The following ANXA6 variants were observed in gnomAD, a reference collection of about 807,000 sequenced individuals.
ANXA6 encodes the protein annexin A6.
ANXA6 carries 71 observed loss-of-function variants against 95.4 expected under a neutral mutation model. That is an observed-to-expected ratio of 0.74 (90% confidence interval 0.61 to 0.91). ANXA6 has a LOEUF of 0.91. Among genes scored for constraint, ANXA6 ranks in the 40% least tolerant of loss-of-function variants. ANXA6 has a pLI of 0.00. For missense variants in ANXA6, 830 were observed against 876.4 expected, an observed-to-expected ratio of 0.95 and a Z score of 0.67; for synonymous variants, 289 against 315.9, an observed-to-expected ratio of 0.91 and a Z score of 0.90.
At chr5:151,104,132 G>A (rs1267681440) in intron 24 of ANXA6, among the ~76,000 whole-genome samples, 1 of 152,166 alleles carries the variant, frequency 6.6e-6, no homozygotes, top group East Asian at 1.9e-4. Flanking sequence ...GAAACACCAA[G>A]GACTTCTGGC....
chr5:151,144,267 T>A (rs1033260299), intron 2 of ANXA6, among the ~76,000 whole-genome samples: 1 of 152,204 alleles, frequency 6.6e-6, no homozygotes, highest in Non-Finnish European at 1.5e-5. Context: ...TTTACTACGT[T>A]GAGCCATGTA....
At chr5:151,133,434 A>G (rs1297406076) in intron 8 of ANXA6, 1 of 430,574 alleles carries the variant, frequency 2.3e-6, no homozygotes, top group East Asian at 4.0e-5. Flanking sequence ...GGCATAGCCT[A>G]CTACACACCC....
intron 2 of ANXA6, among the ~76,000 whole-genome samples, chr5:151,143,719 A>G (rs1166831710): frequency 6.6e-6 from 1 of 152,132 alleles, no homozygotes; most frequent in Non-Finnish European, 1.5e-5. Flanking sequence ...TCACTGACGC[A>G]TTTCTAGCAC....
chr5:151,134,742 TG>T (rs1765609937), intron 7 of ANXA6, among the ~76,000 whole-genome samples: 1 of 152,124 alleles, frequency 6.6e-6, no homozygotes. Context: ...TTCTTCCAGG[TG>T]TCCCCAGCCC....
At chr5:151,145,420 G>A (rs1462565405) in intron 2 of ANXA6, among the ~76,000 whole-genome samples, 1 of 152,204 alleles carries the variant, frequency 6.6e-6, no homozygotes, top group Non-Finnish European at 1.5e-5. Context: ...AACCCAGAAC[G>A]TCCCTGTGAA....
intron 20 of ANXA6, among the ~76,000 whole-genome samples, chr5:151,113,940 C>T (rs4643939): frequency 0.32 from 49,364 of 152,174 alleles, 9,238 homozygotes; most frequent in Admixed American, 0.46. Context: ...GGAGTACCAA[C>T]ATGCTACAAC....
Position 151,100,715 on chromosome 5 carries a change from G to A in ANXA6, c.*733C>T. On this transcript the variant is annotated 3_prime_UTR_variant, in exon 26 of 26. Coordinates refer to ENST00000354546, the MANE Select transcript of ANXA6 (RefSeq NM_001155.5). ...AGGCCCTCACTGGAAATGTGTTTAT[G>A]TGTTTGTGTATCTCTTTTTATTTCT... 2.7e-6 allele frequency: 1 copy of A among 373,258 alleles called. No individual in the cohort carries two copies. Among genetic ancestry groups the A allele is most frequent in the South Asian group, 2.0e-5 (1 of 49,634 alleles). The allele number at this position is 373,258 out of a possible 1,614,324, so 23.1% of individuals were successfully genotyped here. A position where few individuals can be genotyped will look rare whatever the true frequency, so the allele number is the denominator to read the frequency against.
At chr5:151,108,696 G>A in intron 22 of ANXA6, 146 bp from the exon 23 acceptor site, 1 of 707,698 alleles carries the variant, frequency 1.4e-6, no homozygotes, top group South Asian at 1.7e-5. Context: ...AGGCCTAAAT[G>A]CATTGGGCAA....
chr5:151,141,843 A>G (rs1765845547), intron 2 of ANXA6: 1 of 410,690 alleles, frequency 2.4e-6, no homozygotes, highest in Non-Finnish European at 3.3e-6. Flanking sequence ...CCTTGCAAGG[A>G]GCTCAGTGAG....
chr5:151,126,778 T>A (rs1009915335), intron 13 of ANXA6, among the ~76,000 whole-genome samples: 1 of 152,104 alleles, frequency 6.6e-6, no homozygotes, highest in African/African-American at 2.4e-5. Flanking sequence ...GTGCAGTGGC[T>A]CGATCTCAGC....
At chr5:151,101,856 C>T (rs1764560092) in intron 25 of ANXA6, among the ~76,000 whole-genome samples, 1 of 152,202 alleles carries the variant, frequency 6.6e-6, no homozygotes, top group South Asian at 2.1e-4. Flanking sequence ...ACCCCCAATC[C>T]CATTTGCCAG....
intron 10 of ANXA6, 29 bp downstream of exon 10, chr5:151,132,447 G>A: frequency 1.9e-6 from 3 of 1,561,008 alleles, no homozygotes; most frequent in South Asian, 1.2e-5. Flanking sequence ...ATCCCCTAAA[G>A]CCCCCAGGAA....
At chr5:151,128,967 A>G (rs769102420) in intron 12 of ANXA6, among the ~76,000 whole-genome samples, 1 of 147,384 alleles carries the variant, frequency 6.8e-6, no homozygotes, top group Non-Finnish European at 1.5e-5. Context: ...AAAAAAAGGG[A>G]AAACCCCTAG....
intron 1 of ANXA6, among the ~76,000 whole-genome samples, chr5:151,149,705 CG>C (rs1469930346): frequency 6.6e-6 from 1 of 151,750 alleles, no homozygotes; most frequent in African/African-American, 2.4e-5. Flanking sequence ...AGGCTGGTCT[CG>C]AACTCCTGCC....
Position 151,143,617 on chromosome 5 carries a change from C to T in ANXA6, c.19-3374G>A, listed in dbSNP as rs144686132. ...ATACATGACAGCTTCAACTACAAGA[C>T]AGTGTGGCAGATACGATGCTAAGGG... is the stretch of plus-strand genomic sequence containing the variant. On this transcript the variant is annotated intron_variant, in intron 2 of 25. Coordinates refer to ENST00000354546, the MANE Select transcript of ANXA6 (RefSeq NM_001155.5). Among the ~76,000 whole-genome samples, 1,158 of 152,136 alleles carry T rather than the reference C, an allele frequency of 7.6e-3. 15 individuals carry two copies. Among genetic ancestry groups the T allele is most frequent in the African/African-American group, 0.026 (1,086 of 41,498 alleles).
rs1409904795 is a variant in ANXA6, at chr5:151,140,159, C to A, written c.103G>T (p.Gly35Cys). The change falls in exon 3 of 26, where the codon GGC (glycine) becomes TGC (cysteine). Residue 35 changes from glycine (G) to cysteine (C), a missense_variant. Transcript: ENST00000354546. ...CATGAAGCCTGGCACCCACCAAAGCCCTTCATGGCAGTGTACAGAGCCTCG... is the reference window on the plus strand; with the variant it reads ...CATGAAGCCTGGCACCCACCAAAGCACTTCATGGCAGTGTACAGAGCCTCG... The part of the protein sequence containing the change: ...DAEALYTAMK[G>C]FGSDKEAILD... The A allele has an allele frequency of 1.2e-6, 2 of 1,613,808 alleles. No individual in the cohort carries two copies. The highest frequency in any genetic ancestry group is 2.2e-5 in the East Asian group (1 of 44,900).
At chr5:151,148,044 A>C (rs1389438363) in intron 1 of ANXA6, 118 bp from the exon 2 acceptor site, 1 of 973,816 alleles carries the variant, frequency 1.0e-6, no homozygotes, top group African/African-American at 1.6e-5. Context: ...AGGTTAAATC[A>C]GACCCAATGA....
intron 1 of ANXA6, among the ~76,000 whole-genome samples, chr5:151,153,933 T>C (rs188620604): frequency 4.6e-5 from 7 of 152,302 alleles, no homozygotes; most frequent in Admixed American, 4.6e-4. Flanking sequence ...CATATGCCTC[T>C]TTCCTGCACC....
chr5:151,140,747 C>T (rs1765812682), intron 2 of ANXA6, among the ~76,000 whole-genome samples: 1 of 152,170 alleles, frequency 6.6e-6, no homozygotes, highest in Non-Finnish European at 1.5e-5. Flanking sequence ...ATTTTTATGG[C>T]ATTTTATGTT....
Sources: gnomAD v4.1 joint callset for allele counts (sites outside exome capture counted in the v4.1 genomes callset) on GRCh38, gnomAD v4.1.1 for gene constraint, MANE v1.5 for transcripts, NCBI Gene and HGNC (gene_info 2026-07-23, HGNC 2026-07-21) for gene names.